The following L2HGDH variants were observed in gnomAD, a reference collection of about 807,000 sequenced individuals.
The protein encoded by L2HGDH is L-2-hydroxyglutarate dehydrogenase, also known as L-2-hydroxyglutarate dehydrogenase, mitochondrial.
L2HGDH carries 34 observed loss-of-function variants against 51.5 expected under a neutral mutation model. The observed-to-expected ratio is 0.66, with a 90% CI of 0.50 to 0.88. L2HGDH has a LOEUF of 0.88. Ranked by LOEUF, L2HGDH falls within the 40% of genes least tolerant of loss-of-function variation. L2HGDH has a pLI of 0.00. For missense variants in L2HGDH, 558 were observed against 571.9 expected (o/e 0.98, Z 0.25); for synonymous variants, 198 against 197.9 (o/e 1.00, Z -0.01).
At chr14:50,305,382 C>T (rs779618283) in intron 1 of L2HGDH, among the ~76,000 whole-genome samples, 1 of 152,148 alleles carries the variant, frequency 6.6e-6, no homozygotes, top group Non-Finnish European at 1.5e-5. Context: ...TAGTTATTGG[C>T]AAATGCCTAC....
rs557832834 is a variant in L2HGDH at position 50,261,848 on chromosome 14, ATT to A, written c.1196+3508_1196+3509del. Among the ~76,000 whole-genome samples, 419 of 152,298 alleles carry A rather than the reference ATT, an allele frequency of 2.8e-3. 4 individuals are homozygous for A. Among genetic ancestry groups the A allele is most frequent in the African/African-American group, 9.6e-3 (399 of 41,542 alleles). Reference sequence around the variant, plus strand: ...AATGAGAAGTTTATCTAATGCAAATATTTAACAGATTGTAACTTTATATTCCA... The same window carrying A: ...AATGAGAAGTTTATCTAATGCAAATATAACAGATTGTAACTTTATATTCCA... On this transcript the variant is annotated intron_variant, in intron 9 of 9. Coordinates refer to ENST00000267436, the MANE Select transcript of L2HGDH (RefSeq NM_024884.3).
intron 4 of L2HGDH, chr14:50,287,450 T>C (rs894115693): frequency 2.1e-5 from 6 of 291,046 alleles, no homozygotes; most frequent in Admixed American, 1.3e-4. Flanking sequence ...ACCAAATCTA[T>C]AATGGGGCCA....
At chr14:50,260,061 T>C (rs1338306895) in intron 9 of L2HGDH, among the ~76,000 whole-genome samples, 1 of 151,964 alleles carries the variant, frequency 6.6e-6, no homozygotes, top group Non-Finnish European at 1.5e-5. Context: ...TTTCAGTTAA[T>C]TTGTTAGCTT....
intron 4 of L2HGDH, chr14:50,293,095 A>G: frequency 1.6e-6 from 1 of 618,874 alleles, no homozygotes; most frequent in Non-Finnish European, 2.9e-6. Flanking sequence ...CCTGGGTGAC[A>G]GAGTAAGAAC....
At chr14:50,259,298 C>T (rs368558253) in intron 9 of L2HGDH, among the ~76,000 whole-genome samples, 1 of 151,602 alleles carries the variant, frequency 6.6e-6, no homozygotes, top group East Asian at 1.9e-4. Context: ...AAAGCAAATC[C>T]CAGATGGCAT....
chr14:50,287,131 A>G, intron 4 of L2HGDH: 7 of 946,272 alleles, frequency 7.4e-6, no homozygotes, highest in Non-Finnish European at 8.8e-6. Context: ...TGTGTAATAC[A>G]TATAATTTCA....
intron 5 of L2HGDH, among the ~76,000 whole-genome samples, chr14:50,281,240 G>A (rs921220930): frequency 1.2e-4 from 19 of 152,078 alleles, no homozygotes; most frequent in African/African-American, 4.1e-4. Flanking sequence ...ATATAGACAA[G>A]CCAAAAAGGA....
intron 1 of L2HGDH, among the ~76,000 whole-genome samples, chr14:50,305,470 A>C (rs73277329): frequency 6.6e-6 from 1 of 152,248 alleles, no homozygotes; most frequent in South Asian, 2.1e-4. Context: ...TTAAAAAAAC[A>C]TAAGTTCAGT....
At chr14:50,306,200 G>A (rs1020998273) in intron 1 of L2HGDH, among the ~76,000 whole-genome samples, 18 of 151,690 alleles carry the variant, frequency 1.2e-4, no homozygotes, top group African/African-American at 3.6e-4. Context: ...ACAGGTGCGC[G>A]CCACCATGCC....
At chr14:50,283,027 A>T (rs1890361110) in intron 5 of L2HGDH, among the ~76,000 whole-genome samples, 1 of 145,802 alleles carries the variant, frequency 6.9e-6, no homozygotes, top group Admixed American at 6.8e-5. Context: ...AATTAAAATT[A>T]AAAAAAAAAA....
chr14:50,245,734 G>A lies in L2HGDH; in HGVS notation c.*1324C>T. 1 of 985,112 alleles carries A rather than the reference G, an allele frequency of 1.0e-6. No individual in the cohort carries two copies. Among genetic ancestry groups the A allele is most frequent in the Non-Finnish European group, 1.2e-6 (1 of 829,688 alleles). 61.0% of individuals were successfully genotyped at this position (985,112 alleles called of 1,614,324 possible). A position where few individuals can be genotyped will look rare whatever the true frequency, so the allele number is the denominator to read the frequency against. On this transcript the variant is annotated 3_prime_UTR_variant, in exon 10 of 10. Coordinates refer to ENST00000267436, the MANE Select transcript of L2HGDH (RefSeq NM_024884.3). ...CGTAATGCTAAAAAATTGATTTAAG[G>A]AAATAATCTATTTTTATGCCATCTT...
At chr14:50,279,256 A>G (rs895110242) in intron 5 of L2HGDH, among the ~76,000 whole-genome samples, 13 of 152,226 alleles carry the variant, frequency 8.5e-5, no homozygotes, top group African/African-American at 2.9e-4. Context: ...ACAGAACACT[A>G]CTTTTTTTCT....
intron 6 of L2HGDH, among the ~76,000 whole-genome samples, chr14:50,278,243 GTAGA>G (rs1199294168): frequency 6.6e-6 from 1 of 152,172 alleles, no homozygotes; most frequent in East Asian, 1.9e-4. Context: ...GTGGAGATCA[GTAGA>G]TAGAGTGATA....
At chr14:50,293,890 C>T (rs558756354) in intron 4 of L2HGDH, among the ~76,000 whole-genome samples, 1 of 152,312 alleles carries the variant, frequency 6.6e-6, no homozygotes, top group South Asian at 2.1e-4. Context: ...TGGTCTCAGG[C>T]CTCCTCTTGT....
intron 6 of L2HGDH, among the ~76,000 whole-genome samples, chr14:50,275,500 A>G (rs1391803490): frequency 6.6e-6 from 1 of 152,234 alleles, no homozygotes; most frequent in African/African-American, 2.4e-5. Context: ...CTTATTCACC[A>G]TCATGGTATT....
chr14:50,285,885 C>T (rs1213297525), intron 4 of L2HGDH, among the ~76,000 whole-genome samples: 1 of 152,128 alleles, frequency 6.6e-6, no homozygotes, highest in African/African-American at 2.4e-5. Context: ...TTGGCCTTTC[C>T]TCTCCTCCTA....
intron 8 of L2HGDH, 75 bp downstream of exon 8, chr14:50,267,678 G>A: frequency 1.8e-6 from 2 of 1,106,756 alleles, no homozygotes; most frequent in Non-Finnish European, 2.7e-6. Flanking sequence ...AATAAGTAGA[G>A]TATCAAGAAA....
Position 50,245,328 on chromosome 14 carries a change from G to T in L2HGDH, c.*1730C>A. 2.0e-6 allele frequency: 2 copies of T among 985,204 alleles called. No individual in the cohort carries two copies. The highest frequency in any genetic ancestry group is 2.4e-6 in the Non-Finnish European group (2 of 829,810). 61.0% of individuals were successfully genotyped at this position (985,204 alleles called of 1,614,324 possible). The stretch of plus-strand genomic sequence containing the variant: ...ACATCAGTGTCAGGATTCTAAAACT[G>T]CTCTCATAAAAATCTGTCTCTTCTA... On this transcript the variant is annotated 3_prime_UTR_variant, in exon 10 of 10. Transcript: ENST00000267436.
intron 9 of L2HGDH, among the ~76,000 whole-genome samples, chr14:50,252,310 A>G (rs1888410017): frequency 6.6e-6 from 1 of 152,220 alleles, no homozygotes; most frequent in Admixed American, 6.6e-5. Context: ...AAAACATACC[A>G]TCAGAGAAAA....
Sources: gnomAD v4.1 joint callset for allele counts (sites outside exome capture counted in the v4.1 genomes callset) on GRCh38, gnomAD v4.1.1 for gene constraint, MANE v1.5 for transcripts, NCBI Gene and HGNC (gene_info 2026-07-23, HGNC 2026-07-21) for gene names.